Variants in PAN2 observed in about 807,000 individuals in gnomAD.
PAN2 encodes PAN2-PAN3 deadenylation complex catalytic subunit PAN2.
PAN2 carries 68 observed loss-of-function variants against 133.3 expected under a neutral mutation model. The ratio of observed to expected loss-of-function variants is 0.51; its 90% CI spans 0.42 to 0.62. The LOEUF (loss-of-function observed/expected upper bound fraction) is 0.62, where lower values mean the gene tolerates loss of function less well. Ranked by LOEUF, PAN2 falls within the 20% of genes least tolerant of loss-of-function variation. The probability of loss-of-function intolerance (pLI) is 0.00; values close to 1 mark genes in which losing one functional copy is unlikely to be tolerated. For missense variants in PAN2, 1,042 were observed against 1,500.5 expected, an observed-to-expected ratio of 0.69 and a Z score of 5.05; for synonymous variants, 462 against 544.6, an observed-to-expected ratio of 0.85 and a Z score of 2.11.
chr12:56,323,715 T>A (rs1359414563), intron 14 of PAN2, 92 bp downstream of exon 14: 1 of 1,400,792 alleles, frequency 7.1e-7, no homozygotes, highest in Non-Finnish European at 1.0e-6. Flanking sequence ...GATCCCTGGA[T>A]GGCAGTGCTG....
At chr12:56,318,864 T>C (rs1874193026) in intron 24 of PAN2, among the ~76,000 whole-genome samples, 3 of 152,144 alleles carry the variant, frequency 2.0e-5, no homozygotes, top group African/African-American at 7.2e-5. Context: ...CCACCCCAAC[T>C]TTTAGAGTCC....
intron 20 of PAN2, among the ~76,000 whole-genome samples, chr12:56,321,351 C>T (rs1295570026): frequency 6.6e-6 from 1 of 150,928 alleles, no homozygotes; most frequent in East Asian, 2.1e-4. Context: ...GCCTCAGCCT[C>T]CCAAGTAGCT....
intron 14 of PAN2, 38 bp from the exon 15 acceptor site, chr12:56,323,636 T>A: frequency 6.3e-7 from 1 of 1,587,820 alleles, no homozygotes; most frequent in Non-Finnish European, 8.6e-7. Flanking sequence ...GCAGGGAATG[T>A]ACAGGAAAAG....
chr12:56,318,138 C>T, intron 25 of PAN2, 99 bp downstream of exon 25: 1 of 984,172 alleles, frequency 1.0e-6, no homozygotes, highest in Non-Finnish European at 1.6e-6. Flanking sequence ...AATCACGCTA[C>T]TGCACTTCAG....
In PAN2 at chr12:56,317,480, G is replaced by T; in HGVS notation, c.*129C>A. 1 of 734,276 alleles carries T rather than the reference G, an allele frequency of 1.4e-6. No individual in the cohort carries two copies. The highest frequency in any genetic ancestry group is 2.4e-6 in the Non-Finnish European group (1 of 412,254). The allele number at this position is 734,276 out of a possible 1,614,324, so 45.5% of individuals were successfully genotyped here. A position where few individuals can be genotyped will look rare whatever the true frequency, so the allele number is the denominator to read the frequency against. ...TCCAGTTCAATTAATAGCACCATCT[G>T]TGACCCTAGACCCTGAGCACGTCCA... On this transcript the variant is annotated 3_prime_UTR_variant, in exon 26 of 26. Transcript: ENST00000440411.
Position 56,319,461 on chromosome 12 carries a change from C to A in PAN2, c.3117G>T (p.Ser1039=). 6.2e-7 allele frequency: 1 copy of A among 1,613,738 alleles called. No homozygotes were observed. The highest frequency in any genetic ancestry group is 1.1e-5 in the South Asian group (1 of 91,014). ...EQVVDYLTQY[S]GIKPGDLDAK... is the part of the protein sequence containing the mutation. Reference sequence around the variant, plus strand: ...CATCGAGGTCACCAGGCTTTATACCCGAGTATTGAGTCAAGTAATCCACCA... The same window carrying A: ...CATCGAGGTCACCAGGCTTTATACCAGAGTATTGAGTCAAGTAATCCACCA... The change falls in exon 23 of 26, where the codon TCG becomes TCT. Residue 1039 remains serine (S), a synonymous_variant. Transcript: ENST00000440411. The surrounding 1 kb of genome is among the most constrained non-coding windows in gnomAD (Gnocchi z 5.4).
Position 56,333,988 on chromosome 12 carries a change from T to A in PAN2, c.-241A>T, listed in dbSNP as rs1032698892. The A allele has an allele frequency of 5.3e-5, 8 of 152,154 alleles. No individual in the cohort carries two copies. The highest frequency in any genetic ancestry group is 1.0e-4 in the Non-Finnish European group (7 of 68,040). The allele number at this position is 152,154 out of a possible 1,614,324, so 9.4% of individuals were successfully genotyped here. On this transcript the variant is annotated 5_prime_UTR_variant, in exon 1 of 26. Transcript: ENST00000440411. ...TCTCCCCCACGCCTAGGGCTCAACCTAACCACTACGGCGCCAAGGACCGGG... is the reference window on the plus strand; with the variant it reads ...TCTCCCCCACGCCTAGGGCTCAACCAAACCACTACGGCGCCAAGGACCGGG...
chr12:56,329,942 T>TAAAAAA (rs11304868), intron 2 of PAN2, among the ~76,000 whole-genome samples: 1 of 130,144 alleles, frequency 7.7e-6, no homozygotes. Context: ...AGATTCCACC[T>TAAAAAA]AAAAAAAAAA....
In PAN2 at chr12:56,327,577, A is replaced by G; in HGVS notation, c.706T>C (p.Ser236Pro). ...FKVEHEFDAF[S>P]GSLSDFDVHG... ...ACATCAAAGTCTGACAGACTTCCTG[A>G]GAAGGCATCAAACTCATGTTCCACC... Residue 236 changes from serine (S) to proline (P), a missense_variant, in exon 6 of 26, where the codon TCA becomes CCA. Coordinates refer to ENST00000440411, the MANE Select transcript of PAN2 (RefSeq NM_014871.6). The G allele has an allele frequency of 6.2e-7, 1 of 1,614,156 alleles. No homozygotes were observed. The highest frequency in any genetic ancestry group is 8.5e-7 in the Non-Finnish European group (1 of 1,179,970).
rs181839333 is a variant in PAN2, at chr12:56,333,116, C to T, written c.-22G>A. 2.3e-4 allele frequency: 369 copies of T among 1,609,600 alleles called. 2 individuals carry two copies. The Middle Eastern group carries it at 9.4e-3, about 41-fold the overall frequency. ...TCATGATGACGATGGCAGCTTACACCTGTGTCACACCCTCCCTTACCACAG... is the reference window on the plus strand; with the variant it reads ...TCATGATGACGATGGCAGCTTACACTTGTGTCACACCCTCCCTTACCACAG... On this transcript the variant is annotated 5_prime_UTR_variant, in exon 2 of 26. Transcript: ENST00000440411.
At chr12:56,330,580 C>T (rs1479365838) in intron 2 of PAN2, among the ~76,000 whole-genome samples, 16 of 151,270 alleles carry the variant, frequency 1.1e-4, no homozygotes, top group African/African-American at 2.9e-4. Context: ...GGGATGGTCT[C>T]GATCTCCTGA....
At position 56,323,086 on chromosome 12, in the gene PAN2, A is replaced by G. The variant is rs1412728852; in HGVS notation, c.2469T>C (p.Asn823=). Residue 823 remains asparagine (N), a synonymous_variant, in exon 17 of 26, where the codon AAT becomes AAC. Transcript: ENST00000440411. Reference sequence around the variant, plus strand: ...CCTGCATCTCATCCCCATCAGTCCAATTGCAAACATCCAGCCCTTTGTTTT... The same window carrying G: ...CCTGCATCTCATCCCCATCAGTCCAGTTGCAAACATCCAGCCCTTTGTTTT... ...MTKNKGLDVC[N]WTDGDEMQWG... 4.3e-6 allele frequency: 7 copies of G among 1,613,984 alleles called. No individual in the cohort carries two copies. The highest frequency in any genetic ancestry group is 1.1e-5 in the South Asian group (1 of 91,068).
intron 4 of PAN2, 27 bp downstream of exon 4, chr12:56,328,211 T>C (rs1241697180): frequency 6.3e-7 from 1 of 1,588,558 alleles, no homozygotes; most frequent in Non-Finnish European, 8.6e-7. Flanking sequence ...AGACCCCACA[T>C]AGGTCTTTCT....
intron 20 of PAN2, among the ~76,000 whole-genome samples, chr12:56,321,285 A>G (rs575448784): frequency 2.7e-5 from 4 of 149,106 alleles, no homozygotes; most frequent in South Asian, 2.2e-4. Flanking sequence ...CTGGAGTGCA[A>G]TGATGCAATC....
chr12:56,317,655 A>G lies in PAN2; in HGVS notation c.3563-12T>C. On this transcript the variant is annotated splice_polypyrimidine_tract_variant and intron_variant, in intron 25 of 25. Transcript: ENST00000440411. ...GAAGACAGCTGCATCTGTCAGAGAC[A>G]AAACCAAAAGCATGATTCAAGCTGA... is the stretch of plus-strand genomic sequence containing the variant. 1.2e-6 allele frequency: 2 copies of G among 1,612,992 alleles called. No individual in the cohort carries two copies. Among genetic ancestry groups the G allele is most frequent in the African/African-American group, 1.3e-5 (1 of 75,048 alleles).
Position 56,326,774 on chromosome 12 carries a change from A to C in PAN2, c.1105T>G (p.Ser369Ala). Reference protein sequence around the residue: ...DSPEPSFNPYSRETEFALPCL... With the variant: ...DSPEPSFNPYARETEFALPCL... ...GGCAAAGCAAACTCAGTCTCACGGG[A>C]GTAGGGGTTGAAGGAAGGCTCCGGG... The change falls in exon 7 of 26, where the codon TCC becomes GCC. Residue 369 changes from serine (S) to alanine (A), a missense_variant. Coordinates refer to ENST00000440411, the MANE Select transcript of PAN2 (RefSeq NM_014871.6). 6.2e-7 allele frequency: 1 copy of C among 1,614,204 alleles called. No individual in the cohort carries two copies. The highest frequency in any genetic ancestry group is 8.5e-7 in the Non-Finnish European group (1 of 1,180,042).
In PAN2 at chr12:56,324,718, A is replaced by C; in HGVS notation, c.1600-9T>G. 1 of 1,610,538 alleles carries C rather than the reference A, an allele frequency of 6.2e-7. No individual in the cohort carries two copies. The highest frequency in any genetic ancestry group is 8.5e-7 in the Non-Finnish European group (1 of 1,178,774). On this transcript the variant is annotated splice_polypyrimidine_tract_variant and intron_variant, in intron 10 of 25. Transcript: ENST00000440411. ...TCCAGGAAATAGAGCACCTGGAGGG[A>C]AAAGCAGAAGAACTGATGTAGGAAA... is the stretch of plus-strand genomic sequence containing the variant.
chr12:56,322,355 G>A (rs922317868), intron 19 of PAN2, 68 bp downstream of exon 19: 2 of 1,320,588 alleles, frequency 1.5e-6, no homozygotes, highest in African/African-American at 1.4e-5. Context: ...GCATTCTATA[G>A]AGCCCTAAAG....
At chr12:56,318,536 C>T (rs554532590) in intron 24 of PAN2, 102 bp from the exon 25 acceptor site, 3 of 809,222 alleles carry the variant, frequency 3.7e-6, no homozygotes, top group South Asian at 3.3e-5. Flanking sequence ...AGCCTGACTG[C>T]CCTTAAGGAA....
Sources: gnomAD v4.1 joint callset for allele counts (sites outside exome capture counted in the v4.1 genomes callset) on GRCh38, gnomAD v4.1.1 for gene constraint, Gnocchi (gnomAD v3.1) non-coding constraint, MANE v1.5 for transcripts, NCBI Gene and HGNC (gene_info 2026-07-23, HGNC 2026-07-21) for gene names.